Variants in IQCB1 observed in about 807,000 individuals in gnomAD.
The protein encoded by IQCB1 is IQ calmodulin-binding motif-containing protein 1.
Under a neutral mutation model 84.4 loss-of-function variants are expected in IQCB1, and 56 were observed. The observed-to-expected ratio is 0.66, with a 90% CI of 0.54 to 0.83. The LOEUF (loss-of-function observed/expected upper bound fraction) is 0.83. IQCB1 is among the 40% of genes least tolerant of loss of function. The pLI, the probability that IQCB1 is intolerant of heterozygous loss-of-function variation, is 0.00. For synonymous variants in IQCB1, 210 were observed against 234.8 expected (o/e 0.89, Z 0.96); for missense variants, 629 against 682.1 (o/e 0.92, Z 0.87).
intron 7 of IQCB1, among the ~76,000 whole-genome samples, chr3:121,805,843 C>A (rs1437223921): frequency 2.0e-5 from 3 of 152,068 alleles, no homozygotes; most frequent in Non-Finnish European, 4.4e-5. Flanking sequence ...CTCTGGGGTT[C>A]TCTACATGTA....
chr3:121,820,566 T>C (rs541667036), intron 5 of IQCB1, among the ~76,000 whole-genome samples: 1 of 152,272 alleles, frequency 6.6e-6, no homozygotes, highest in Admixed American at 6.5e-5. Context: ...CAATCCAACT[T>C]CAATTCCATC....
At chr3:121,830,723 G>A (rs1950608627) in intron 2 of IQCB1, among the ~76,000 whole-genome samples, 1 of 152,114 alleles carries the variant, frequency 6.6e-6, no homozygotes, top group Non-Finnish European at 1.5e-5. Flanking sequence ...ATCTATTTCT[G>A]ACTTCCTCCT....
At chr3:121,804,105 A>G (rs906280893) in intron 7 of IQCB1, among the ~76,000 whole-genome samples, 4 of 151,496 alleles carry the variant, frequency 2.6e-5, no homozygotes, top group Non-Finnish European at 5.9e-5. Flanking sequence ...CACTGCTTTG[A>G]GGTTCAAAGT....
intron 12 of IQCB1, among the ~76,000 whole-genome samples, chr3:121,785,831 G>T (rs1416764544): frequency 6.6e-6 from 1 of 152,010 alleles, no homozygotes; most frequent in South Asian, 2.1e-4. Flanking sequence ...TATGCTTAAC[G>T]ATTATTTTAT....
chr3:121,824,366 G>A (rs919438052), intron 5 of IQCB1, among the ~76,000 whole-genome samples: 11 of 152,106 alleles, frequency 7.2e-5, no homozygotes, highest in African/African-American at 2.4e-4. Flanking sequence ...CATGCTATGA[G>A]AACAGCATGC....
chr3:121,784,476 T>C (rs1167033109), intron 12 of IQCB1, among the ~76,000 whole-genome samples: 1 of 152,212 alleles, frequency 6.6e-6, no homozygotes, highest in East Asian at 1.9e-4. Flanking sequence ...GTTTCATATA[T>C]TACCTTTCCT....
intron 13 of IQCB1, among the ~76,000 whole-genome samples, chr3:121,774,368 T>C (rs1948135009): frequency 6.6e-6 from 1 of 152,214 alleles, no homozygotes; most frequent in Admixed American, 6.5e-5. Context: ...GAAAACAGTA[T>C]GGCAGTTCCT....
At chr3:121,787,143 T>C (rs1265097372) in intron 12 of IQCB1, among the ~76,000 whole-genome samples, 2 of 151,840 alleles carry the variant, frequency 1.3e-5, no homozygotes, top group African/African-American at 4.8e-5. Context: ...GACAGGCATC[T>C]CTTCCTGTTT....
At chr3:121,831,332 TC>T (rs1305731153) in intron 2 of IQCB1, among the ~76,000 whole-genome samples, 3 of 143,016 alleles carry the variant, frequency 2.1e-5, no homozygotes, top group Admixed American at 2.0e-4. Context: ...GCCATGACGC[TC>T]GGCTAATTTT....
At chr3:121,827,659 T>C (rs1056198669) in intron 4 of IQCB1, among the ~76,000 whole-genome samples, 4 of 152,136 alleles carry the variant, frequency 2.6e-5, no homozygotes, top group Admixed American at 2.6e-4. Context: ...TCTTTGTAAC[T>C]GTGTGCTTTA....
At chr3:121,833,254 A>G (rs890184731) in intron 2 of IQCB1, among the ~76,000 whole-genome samples, 3 of 152,172 alleles carry the variant, frequency 2.0e-5, no homozygotes, top group Non-Finnish European at 4.4e-5. Context: ...CTGCCTTCTT[A>G]TATCTTTGGT....
rs5852277 is a variant in IQCB1 at position 121,801,810 on chromosome 3, C to CTTTTTTTT, written c.588-2444_588-2437dup. On this transcript the variant is annotated intron_variant, in intron 7 of 14. Transcript: ENST00000310864. ...TTGTATTACTACTTTGCTGCAAGGC[C>CTTTTTTTT]TTTTTTTTTTTTTTTTTTTTTAATT... Among the ~76,000 whole-genome samples the CTTTTTTTT allele has an allele frequency of 6.1e-4, 55 of 89,876 alleles. 1 individual carries two copies. Among genetic ancestry groups the CTTTTTTTT allele is most frequent in the African/African-American group, 8.1e-4 (17 of 21,028 alleles). 59.0% of individuals were successfully genotyped at this position (89,876 alleles called of 152,430 possible). A position where few individuals can be genotyped will look rare whatever the true frequency, so the allele number is the denominator to read the frequency against.
chr3:121,809,195 A>G (rs1949728177), intron 5 of IQCB1, among the ~76,000 whole-genome samples, 186 bp from the exon 6 acceptor site: 1 of 151,880 alleles, frequency 6.6e-6, no homozygotes, highest in Admixed American at 6.6e-5. Context: ...CAGGATAGTA[A>G]TATCTACTAG....
At chr3:121,800,894 A>G (rs1399224649) in intron 7 of IQCB1, among the ~76,000 whole-genome samples, 1 of 151,894 alleles carries the variant, frequency 6.6e-6, no homozygotes, top group Non-Finnish European at 1.5e-5. Context: ...TCACTATACT[A>G]TCCTTGATAA....
intron 5 of IQCB1, among the ~76,000 whole-genome samples, chr3:121,818,656 A>G (rs541157371): frequency 1.3e-5 from 2 of 152,356 alleles, no homozygotes; most frequent in East Asian, 3.9e-4. Context: ...TTGATAATTG[A>G]TAAGTATTAC....
intron 14 of IQCB1, 109 bp downstream of exon 14, chr3:121,772,448 G>A: frequency 9.3e-7 from 1 of 1,076,214 alleles, no homozygotes; most frequent in South Asian, 1.3e-5. Flanking sequence ...CCTGAGGTTA[G>A]GGGATGAGCT....
intron 12 of IQCB1, among the ~76,000 whole-genome samples, chr3:121,787,392 C>T (rs1948777575): frequency 4.6e-5 from 7 of 152,140 alleles, no homozygotes; most frequent in Admixed American, 3.9e-4. Flanking sequence ...AAAACCACCT[C>T]GTACTATGCT....
At chr3:121,799,827 T>C (rs1421670007) in intron 7 of IQCB1, among the ~76,000 whole-genome samples, 1 of 151,924 alleles carries the variant, frequency 6.6e-6, no homozygotes, top group African/African-American at 2.4e-5. Context: ...TTAAAATCTT[T>C]CCTTGGTATT....
rs1331719918 is a variant in IQCB1 at position 121,808,992 on chromosome 3, T to C, written c.411A>G (p.Glu137=). 1 of 1,602,932 alleles carries C rather than the reference T, an allele frequency of 6.2e-7. No individual in the cohort carries two copies. The highest frequency in any genetic ancestry group is 1.1e-5 in the South Asian group (1 of 90,752). Residue 137 remains glutamate (E), a synonymous_variant, in exon 6 of 15, where the codon GAA becomes GAG. Transcript: ENST00000310864. ...TCACAATTTGGAAAAAGTGTAGTAA[T>C]TCATCTTTTTCTTCAGCCTTAACAT... is the stretch of plus-strand genomic sequence containing the variant. ...INAAKAEEKD[E]LLHFFQIVTD...
Sources: allele counts gnomAD v4.1 joint callset (sites outside exome capture counted in the v4.1 genomes callset), GRCh38; gene constraint gnomAD v4.1.1; transcripts MANE v1.5; gene names NCBI Gene and HGNC (gene_info 2026-07-23, HGNC 2026-07-21).